SLC26A5: variants seen among roughly 807,000 people sequenced by gnomAD.
SLC26A5 encodes the protein solute carrier family 26 member 5.
Under a neutral mutation model 81.0 loss-of-function variants are expected in SLC26A5, and 51 were observed. The observed-to-expected ratio is 0.63, with a 90% CI of 0.50 to 0.80. The LOEUF (loss-of-function observed/expected upper bound fraction) is 0.80, where lower values mean the gene tolerates loss of function less well. Ranked by LOEUF, SLC26A5 falls within the 30% of genes least tolerant of loss-of-function variation. The pLI is 0.00. For missense variants in SLC26A5, 771 were observed against 905.8 expected (o/e 0.85, Z 1.91); for synonymous variants, 325 against 332.8 (o/e 0.98, Z 0.25).
In SLC26A5 at chr7:103,381,680, C is replaced by T. The variant is rs180808627; in HGVS notation, c.1515-1131G>A. ...ACACACTACACACATAATACACATA[C>T]GTGCAGACACATGCATACATACCCC... On this transcript the variant is annotated intron_variant, in intron 14 of 19. Coordinates refer to ENST00000306312, the MANE Select transcript of SLC26A5 (RefSeq NM_198999.3). 1.0e-3 allele frequency among the ~76,000 whole-genome samples: 153 copies of T among 150,704 alleles called. 3 individuals are homozygous for T. The highest frequency in any genetic ancestry group is 3.4e-3 in the African/African-American group (140 of 41,032).
At chr7:103,353,731 C>T (rs760970756) in intron 19 of SLC26A5, among the ~76,000 whole-genome samples, 58 of 152,216 alleles carry the variant, frequency 3.8e-4, no homozygotes, top group Admixed American at 2.0e-3. Flanking sequence ...ACCTATTTTC[C>T]TCCCAGTTAG....
intron 5 of SLC26A5, among the ~76,000 whole-genome samples, chr7:103,412,005 C>T (rs1824523819): frequency 6.6e-6 from 1 of 152,124 alleles, no homozygotes; most frequent in Non-Finnish European, 1.5e-5. Context: ...TGTAAGAAAG[C>T]TCCAACTAGG....
chr7:103,393,137 G>A (rs1288714232), intron 9 of SLC26A5, 71 bp from the exon 10 acceptor site: 3 of 1,581,336 alleles, frequency 1.9e-6, no homozygotes, highest in Non-Finnish European at 2.6e-6. Context: ...TGCGACTGCA[G>A]GGAAGCATTT....
chr7:103,444,122 G>A (rs992741913), intron 1 of SLC26A5, among the ~76,000 whole-genome samples: 4 of 152,172 alleles, frequency 2.6e-5, no homozygotes, highest in African/African-American at 4.8e-5. Flanking sequence ...GATTAAAAGA[G>A]TTCATGAAAT....
chr7:103,407,439 G>T lies in SLC26A5; in HGVS notation c.888+412C>A, dbSNP rs142220113. ...ACTACTTAATAAGTGGAACTGTGAG[G>T]TATTTCTTTTGGCTCAGGAGTGTCA... On this transcript the variant is annotated intron_variant, in intron 8 of 19. Transcript: ENST00000306312. Among the ~76,000 whole-genome samples, 506 of 152,266 alleles carry T rather than the reference G, an allele frequency of 3.3e-3. 3 individuals are homozygous for T. Among genetic ancestry groups the T allele is most frequent in the African/African-American group, 0.012 (479 of 41,534 alleles).
At chr7:103,419,334 C>T (rs1256055758) in intron 4 of SLC26A5, among the ~76,000 whole-genome samples, 4 of 152,160 alleles carry the variant, frequency 2.6e-5, no homozygotes, top group Non-Finnish European at 5.9e-5. Flanking sequence ...GAAGACTCTG[C>T]AGGCCTACTT....
chr7:103,399,652 C>T (rs975949016), intron 8 of SLC26A5, among the ~76,000 whole-genome samples: 2 of 152,090 alleles, frequency 1.3e-5, no homozygotes, highest in African/African-American at 2.4e-5. Context: ...ACACAAGTGC[C>T]ATGGTGGTTT....
At chr7:103,429,160 A>G (rs981075684) in intron 2 of SLC26A5, among the ~76,000 whole-genome samples, 4 of 152,224 alleles carry the variant, frequency 2.6e-5, no homozygotes, top group Non-Finnish European at 5.9e-5. Flanking sequence ...CAGTTGTCTG[A>G]AACTAAGAGC....
intron 2 of SLC26A5, among the ~76,000 whole-genome samples, chr7:103,434,483 C>CT (rs1001942469): frequency 2.2e-4 from 34 of 152,088 alleles, no homozygotes; most frequent in Admixed American, 3.3e-4. Flanking sequence ...ACTACAGGAA[C>CT]TTTTTTTCCT....
intron 9 of SLC26A5, among the ~76,000 whole-genome samples, chr7:103,394,812 C>T (rs1207511370): frequency 6.6e-6 from 1 of 152,254 alleles, no homozygotes; most frequent in Middle Eastern, 3.4e-3. Flanking sequence ...GGGCTGGCCT[C>T]GTGATGTGCT....
chr7:103,445,486 G>A (rs995249690), intron 1 of SLC26A5: 1 of 152,260 alleles, frequency 6.6e-6, no homozygotes, highest in Non-Finnish European at 1.5e-5. Context: ...CCCGGGAGGG[G>A]GCCAATACCA....
rs566208291 is a variant in SLC26A5, at chr7:103,380,525, C to A, written c.1539G>T (p.Lys513Asn). ...CAATATACACATCAGTTTCAGGAAG[C>A]TTTCCAAGGACTTTGTAGCTTGGAC... Reference protein sequence around the residue: ...TQSPSYKVLGKLPETDVYIDI... With the variant: ...TQSPSYKVLGNLPETDVYIDI... Residue 513 changes from lysine to asparagine, a missense_variant, in exon 15 of 20, where the codon AAG becomes AAT. Coordinates refer to ENST00000306312, the MANE Select transcript of SLC26A5 (RefSeq NM_198999.3). 68 of 1,613,846 alleles carry A rather than the reference C, an allele frequency of 4.2e-5. 1 individual carries two copies. In the South Asian group the frequency reaches 6.5e-4, roughly 15 times the overall value.
Position 103,407,773 on chromosome 7 carries a change from T to C in SLC26A5, c.888+78A>G, listed in dbSNP as rs573592791. The C allele has an allele frequency of 4.7e-4, 715 of 1,533,650 alleles. 3 individuals are homozygous for C. The highest frequency in any genetic ancestry group is 4.9e-4 in the Non-Finnish European group (548 of 1,121,772). ...AATTGAGAGCAAAAAATTCCTTTCATCCACTTCAAAATCCCTCACAGAAAT... is the reference window on the plus strand; with the variant it reads ...AATTGAGAGCAAAAAATTCCTTTCACCCACTTCAAAATCCCTCACAGAAAT... On this transcript the variant is annotated intron_variant, in intron 8 of 19. Transcript: ENST00000306312.
chr7:103,435,175 A>T (rs1234225200), intron 2 of SLC26A5: 2 of 151,914 alleles, frequency 1.3e-5, no homozygotes, highest in Non-Finnish European at 2.9e-5. Context: ...TTATTTTCTG[A>T]TTGCTCTTTC....
Position 103,407,831 on chromosome 7 carries a change from A to G in SLC26A5, c.888+20T>C, listed in dbSNP as rs1824174424. The G allele has an allele frequency of 6.2e-7, 1 of 1,613,602 alleles. No homozygotes were observed. Among genetic ancestry groups the G allele is most frequent in the Non-Finnish European group, 8.5e-7 (1 of 1,179,826 alleles). ...TGCAGTTGTAGAAGCCGAGTAGGTC[A>G]CTGACCGAAGGTGACTTACCGCAAA... On this transcript the variant is annotated intron_variant, in intron 8 of 19. Transcript: ENST00000306312.
intron 19 of SLC26A5, among the ~76,000 whole-genome samples, chr7:103,359,592 G>A (rs1820258894): frequency 6.6e-6 from 1 of 152,020 alleles, no homozygotes; most frequent in Non-Finnish European, 1.5e-5. Flanking sequence ...TATAGTACAT[G>A]GCTTCCTTCA....
At chr7:103,434,800 C>T (rs995845527) in intron 2 of SLC26A5, among the ~76,000 whole-genome samples, 8 of 152,024 alleles carry the variant, frequency 5.3e-5, no homozygotes, top group Admixed American at 2.0e-4. Flanking sequence ...TACAGGAGTG[C>T]GCCACCACGC....
In SLC26A5 at chr7:103,376,839, G is replaced by A. The variant is rs372287716; in HGVS notation, c.2010C>T (p.Val670=). 27 of 1,603,448 alleles carry A rather than the reference G, an allele frequency of 1.7e-5. No individual in the cohort carries two copies. Among genetic ancestry groups the A allele is most frequent in the African/African-American group, 8.0e-5 (6 of 74,762 alleles). The part of the protein sequence containing the change: ...LAGIVKEYGD[V]GIYVYLAGCS... ...ATCCTGCTAAGTATACATATATACCGACGTCTCCATATTCTTTTACAATCT... is the reference window on the plus strand; with the variant it reads ...ATCCTGCTAAGTATACATATATACCAACGTCTCCATATTCTTTTACAATCT... Residue 670 remains valine, a synonymous_variant, in exon 19 of 20, where the codon GTC becomes GTT. Coordinates refer to ENST00000306312, the MANE Select transcript of SLC26A5 (RefSeq NM_198999.3).
chr7:103,369,349 A>G (rs1265428187), downstream of SLC26A5: 1 of 152,218 alleles, frequency 6.6e-6, no homozygotes, highest in Non-Finnish European at 1.5e-5. Flanking sequence ...CTGAAGATGT[A>G]TGTTTTTGAA....
Sources: allele counts gnomAD v4.1 joint callset (sites outside exome capture counted in the v4.1 genomes callset), GRCh38; gene constraint gnomAD v4.1.1; transcripts MANE v1.5; gene names NCBI Gene and HGNC (gene_info 2026-07-23, HGNC 2026-07-21).